Variants in CNTNAP5 observed in about 807,000 individuals in gnomAD.
CNTNAP5 encodes the protein contactin associated protein family member 5, also known as contactin-associated protein-like 5.
A neutral mutation model predicts 150.2 loss-of-function variants in CNTNAP5; 72 were observed. The observed-to-expected ratio is 0.48, with a 90% CI of 0.40 to 0.58. CNTNAP5 has a LOEUF of 0.58. Among genes scored for constraint, CNTNAP5 ranks in the 20% least tolerant of loss-of-function variants. The pLI is 0.00. For synonymous variants in CNTNAP5, 672 were observed against 619.8 expected, an observed-to-expected ratio of 1.08 and a Z score of -1.25; for missense variants, 1,636 against 1,626.2, an observed-to-expected ratio of 1.01 and a Z score of -0.10.
chr2:124,131,313 A>G (rs1053896544), intron 1 of CNTNAP5, among the ~76,000 whole-genome samples: 7 of 152,216 alleles, frequency 4.6e-5, no homozygotes, highest in Admixed American at 1.3e-4. Context: ...TATATGCAAA[A>G]GGCACCTTGT....
intron 11 of CNTNAP5, among the ~76,000 whole-genome samples, chr2:124,585,326 T>C (rs552993111): frequency 8.5e-4 from 129 of 152,248 alleles, no homozygotes; most frequent in African/African-American, 3.0e-3. Context: ...ACTCAGTTTT[T>C]ACTTGAGCAA....
rs141924502 is a variant in CNTNAP5, at chr2:124,287,431, T to G, written c.381+45038T>G. The stretch of plus-strand genomic sequence containing the variant: ...TTTTCTACCATGTCCCTGTCAAGCT[T>G]CGTTAATCTCGGCATTGTCCCCTCT... On this transcript the variant is annotated intron_variant, in intron 3 of 23. Transcript: ENST00000682447. Among the ~76,000 whole-genome samples, 347 of 152,326 alleles carry G rather than the reference T, an allele frequency of 2.3e-3. 2 individuals carry two copies. Among genetic ancestry groups the G allele is most frequent in the African/African-American group, 8.0e-3 (332 of 41,580 alleles).
chr2:124,350,454 T>G (rs1425693106), intron 3 of CNTNAP5, among the ~76,000 whole-genome samples: 1 of 105,364 alleles, frequency 9.5e-6, no homozygotes, highest in East Asian at 2.5e-4. Flanking sequence ...TTGTGGCTTG[T>G]TTTTTTTTTT....
At chr2:124,829,332 G>A (rs1271500810) in intron 19 of CNTNAP5, among the ~76,000 whole-genome samples, 1 of 152,138 alleles carries the variant, frequency 6.6e-6, no homozygotes, top group African/African-American at 2.4e-5. Context: ...AGTATGGATT[G>A]TTCCACATAG....
chr2:124,851,551 T>C (rs1179636457), intron 19 of CNTNAP5, among the ~76,000 whole-genome samples: 6 of 152,186 alleles, frequency 3.9e-5, no homozygotes, highest in African/African-American at 4.8e-5. Context: ...ATAATTCATC[T>C]AAATTAATGA....
chr2:124,352,628 A>T (rs900595606), intron 3 of CNTNAP5, among the ~76,000 whole-genome samples: 3 of 152,210 alleles, frequency 2.0e-5, no homozygotes, highest in African/African-American at 7.2e-5. Flanking sequence ...ATCCAAAAGT[A>T]CTGTAAATAC....
chr2:124,659,207 G>C (rs1033337869), intron 13 of CNTNAP5, among the ~76,000 whole-genome samples: 4 of 152,116 alleles, frequency 2.6e-5, no homozygotes, highest in African/African-American at 9.7e-5. Context: ...GAAATTACAG[G>C]GGTGCCTTTC....
At chr2:124,909,236 T>C (rs1678604169) in intron 22 of CNTNAP5, among the ~76,000 whole-genome samples, 1 of 152,166 alleles carries the variant, frequency 6.6e-6, no homozygotes, top group Non-Finnish European at 1.5e-5. Flanking sequence ...ATATTTTTAC[T>C]CTGCTCTTTC....
At chr2:124,425,272 A>G (rs918394131) in intron 4 of CNTNAP5, among the ~76,000 whole-genome samples, 8 of 152,242 alleles carry the variant, frequency 5.3e-5, no homozygotes, top group Non-Finnish European at 1.0e-4. Context: ...TATTAAAAAA[A>G]CAGGTCAACT....
chr2:124,630,158 G>C (rs547111929), intron 12 of CNTNAP5, among the ~76,000 whole-genome samples: 1 of 151,680 alleles, frequency 6.6e-6, no homozygotes, highest in Admixed American at 6.6e-5. Context: ...AAGAGGAGCC[G>C]GTACCATTTC....
intron 3 of CNTNAP5, among the ~76,000 whole-genome samples, chr2:124,325,226 G>A (rs1689187909): frequency 6.6e-6 from 1 of 152,130 alleles, no homozygotes; most frequent in Admixed American, 6.5e-5. Context: ...ACCATGAACA[G>A]GGAAGACAGT....
intron 2 of CNTNAP5, among the ~76,000 whole-genome samples, chr2:124,241,339 T>C (rs892301578): frequency 2.1e-4 from 32 of 152,294 alleles, no homozygotes; most frequent in African/African-American, 6.7e-4. Flanking sequence ...TCACACGAGA[T>C]CCAAGAATGT....
intron 1 of CNTNAP5, among the ~76,000 whole-genome samples, chr2:124,141,990 C>G (rs778994157): frequency 0.083 from 11,723 of 142,044 alleles, 661 homozygotes; most frequent in Non-Finnish European, 0.13. Flanking sequence ...GGTTGCAATC[C>G]TAGTCTCTGA....
At chr2:124,113,241 A>G (rs373186229) in intron 1 of CNTNAP5, among the ~76,000 whole-genome samples, 2 of 152,286 alleles carry the variant, frequency 1.3e-5, no homozygotes, top group African/African-American at 4.8e-5. Flanking sequence ...TGTCAGAAGT[A>G]AAAGGATAAA....
Position 124,647,754 on chromosome 2 carries a change from G to A in CNTNAP5, c.1877-4G>A, listed in dbSNP as rs1306411356. 1.9e-6 allele frequency: 3 copies of A among 1,586,022 alleles called. No homozygotes were observed. Among genetic ancestry groups the A allele is most frequent in the African/African-American group, 2.7e-5 (2 of 74,500 alleles). On this transcript the variant is annotated splice_region_variant and splice_polypyrimidine_tract_variant and intron_variant, in intron 12 of 23. Transcript: ENST00000682447. Reference sequence around the variant, plus strand: ...TCTTGCTTTGTGTTGTGTTGTCTGGGCAGAGGACAAGATCTGGACATCAGT... The same window carrying A: ...TCTTGCTTTGTGTTGTGTTGTCTGGACAGAGGACAAGATCTGGACATCAGT...
chr2:124,894,534 G>A (rs895134974), intron 21 of CNTNAP5, among the ~76,000 whole-genome samples: 1 of 150,136 alleles, frequency 6.7e-6, no homozygotes, highest in African/African-American at 2.5e-5. Flanking sequence ...AAATCCTGCT[G>A]TTTTTTATTT....
intron 1 of CNTNAP5, among the ~76,000 whole-genome samples, chr2:124,031,391 AT>A (rs1258011574): frequency 2.0e-5 from 3 of 152,256 alleles, no homozygotes; most frequent in Non-Finnish European, 4.4e-5. Context: ...TCTTGGCTCT[AT>A]TGCTAGAGTA....
At chr2:124,590,938 C>A (rs1406017010) in intron 11 of CNTNAP5, among the ~76,000 whole-genome samples, 1 of 152,144 alleles carries the variant, frequency 6.6e-6, no homozygotes, top group African/African-American at 2.4e-5. Context: ...AAGGACATTT[C>A]AAATTGTACC....
intron 19 of CNTNAP5, among the ~76,000 whole-genome samples, chr2:124,837,699 C>A (rs1682859133): frequency 1.3e-5 from 2 of 152,134 alleles, no homozygotes; most frequent in South Asian, 2.1e-4. Context: ...AAATAAGAAC[C>A]ACTGGTTCCT....
Sources: gnomAD v4.1 joint callset for allele counts (sites outside exome capture counted in the v4.1 genomes callset) on GRCh38, gnomAD v4.1.1 for gene constraint, MANE v1.5 for transcripts, NCBI Gene and HGNC (gene_info 2026-07-23, HGNC 2026-07-21) for gene names.